DMRT3: variants seen among roughly 807,000 people sequenced by gnomAD.
DMRT3 encodes doublesex and mab-3 related transcription factor 3.
In DMRT3, 29 loss-of-function variants were observed where a neutral mutation model predicts 34.9. The ratio of observed to expected loss-of-function variants is 0.83; its 90% CI spans 0.62 to 1.13. The LOEUF is 1.13. Among genes scored for constraint, DMRT3 ranks in the 50% most tolerant of loss-of-function variants. DMRT3 has a pLI of 0.00. For missense variants in DMRT3, 772 were observed against 629.1 expected (o/e 1.23, Z -2.43); for synonymous variants, 350 against 286.0 (o/e 1.22, Z -2.26).
chr9:990,260 C>G lies in DMRT3; in HGVS notation c.674C>G (p.Ala225Gly), dbSNP rs752903154. 1.9e-6 allele frequency: 3 copies of G among 1,613,890 alleles called. No homozygotes were observed. Among genetic ancestry groups the G allele is most frequent in the South Asian group, 1.1e-5 (1 of 91,036 alleles). Residue 225 changes from alanine (A) to glycine (G), a missense_variant, in exon 2 of 2, where the codon GCG (alanine) becomes GGG (glycine). Coordinates refer to ENST00000190165, the MANE Select transcript of DMRT3 (RefSeq NM_021240.4). ...CGCCCTGACAGCCCCAAGTGTCACGCGGAGCAGAATCACCTCCTGATTGAG... is the reference window on the plus strand; with the variant it reads ...CGCCCTGACAGCCCCAAGTGTCACGGGGAGCAGAATCACCTCCTGATTGAG... ...ESRPDSPKCH[A>G]EQNHLLIEGP... is the part of the protein sequence containing the mutation.
In DMRT3 at chr9:990,324, A is replaced by G; in HGVS notation, c.738A>G (p.Lys246=). 2.5e-6 allele frequency: 4 copies of G among 1,613,874 alleles called. No individual in the cohort carries two copies. Among genetic ancestry groups the G allele is most frequent in the Non-Finnish European group, 3.4e-6 (4 of 1,180,022 alleles). ...CTGTTTCTCTGCCCTTCAGCTTGAAAGCCAACAGACCGCCGCTTGAAGTGT... is the reference window on the plus strand; with the variant it reads ...CTGTTTCTCTGCCCTTCAGCTTGAAGGCCAACAGACCGCCGCTTGAAGTGT... The part of the protein sequence containing the change: ...SGTVSLPFSL[K]ANRPPLEVLK... Residue 246 remains lysine (K), a synonymous_variant, in exon 2 of 2, where the codon AAA becomes AAG. Transcript: ENST00000190165.
chr9:988,311 C>T (rs758190646), intron 1 of DMRT3, among the ~76,000 whole-genome samples: 17 of 152,178 alleles, frequency 1.1e-4, no homozygotes, highest in Non-Finnish European at 2.2e-4. Context: ...GAATTCCTAT[C>T]AGATGTATGT....
chr9:986,215 A>G (rs1820280668), intron 1 of DMRT3, among the ~76,000 whole-genome samples: 1 of 152,156 alleles, frequency 6.6e-6, no homozygotes, highest in Non-Finnish European at 1.5e-5. Context: ...AGATTCCACT[A>G]CCGTCTGTTC....
At chr9:984,459 A>AGTT (rs1820258677) in intron 1 of DMRT3, among the ~76,000 whole-genome samples, 1 of 149,964 alleles carries the variant, frequency 6.7e-6, no homozygotes, top group African/African-American at 2.5e-5. Flanking sequence ...GATTTTTCAC[A>AGTT]TTTTTTTTTT....
chr9:978,948 C>T (rs1294596017), intron 1 of DMRT3, among the ~76,000 whole-genome samples: 1 of 152,126 alleles, frequency 6.6e-6, no homozygotes, highest in African/African-American at 2.4e-5. Context: ...ATTTTTCTCC[C>T]ATAGGTTTGA....
At chr9:981,282 TC>T (rs987138895) in intron 1 of DMRT3, among the ~76,000 whole-genome samples, 2 of 151,926 alleles carry the variant, frequency 1.3e-5, no homozygotes, top group Non-Finnish European at 2.9e-5. Context: ...AATTTTTTTT[TC>T]CCCCAAAGAG....
At chr9:982,815 CT>C (rs1232801533) in intron 1 of DMRT3, among the ~76,000 whole-genome samples, 2 of 152,218 alleles carry the variant, frequency 1.3e-5, no homozygotes, top group African/African-American at 4.8e-5. Flanking sequence ...CCTCCTCTTT[CT>C]TTCTCTTCCT....
intron 1 of DMRT3, among the ~76,000 whole-genome samples, chr9:980,344 G>A (rs1033638824): frequency 6.6e-6 from 1 of 152,062 alleles, no homozygotes; most frequent in Non-Finnish European, 1.5e-5. Context: ...CCCTTTCAAT[G>A]TGTGGTGTTT....
chr9:990,561 T>A lies in DMRT3; in HGVS notation c.975T>A (p.Ser325=), dbSNP rs1207135531. The A allele has an allele frequency of 6.2e-7, 1 of 1,613,976 alleles. No individual in the cohort carries two copies. The highest frequency in any genetic ancestry group is 1.3e-5 in the African/African-American group (1 of 74,906). ...CCTTGAGCTCCTACCCCATCTCGTCTTCCAAATGGTCTGTGGGATCAGCCT... is the reference window on the plus strand; with the variant it reads ...CCTTGAGCTCCTACCCCATCTCGTCATCCAAATGGTCTGTGGGATCAGCCT... ...EHTLSSYPIS[S]SKWSVGSAFR... Residue 325 remains serine, a synonymous_variant, in exon 2 of 2, where the codon TCT becomes TCA. Coordinates refer to ENST00000190165, the MANE Select transcript of DMRT3 (RefSeq NM_021240.4).
intron 1 of DMRT3, among the ~76,000 whole-genome samples, chr9:984,563 T>G (rs1057354166): frequency 6.6e-6 from 1 of 152,040 alleles, no homozygotes; most frequent in African/African-American, 2.4e-5. Context: ...TTCACGCCAT[T>G]CTCCTGCCTC....
Position 977,266 on chromosome 9 carries a change from G to A in DMRT3, c.265G>A (p.Asp89Asn). Residue 89 changes from aspartate to asparagine, a missense_variant, in exon 1 of 2, where the codon GAC becomes AAC. Transcript: ENST00000190165. Reference protein sequence around the residue: ...ANESLESLIPDSLRALPGPPP... With the variant: ...ANESLESLIPNSLRALPGPPP... Reference sequence around the variant, plus strand: ...CGAGAGCTTGGAGAGCCTCATCCCCGACTCGCTGCGCGCTCTGCCAGGGCC... The same window carrying A: ...CGAGAGCTTGGAGAGCCTCATCCCCAACTCGCTGCGCGCTCTGCCAGGGCC... The A allele has an allele frequency of 6.5e-7, 1 of 1,542,242 alleles. No individual in the cohort carries two copies. Among genetic ancestry groups the A allele is most frequent in the South Asian group, 1.2e-5 (1 of 83,450 alleles).
rs765001078 is a variant in DMRT3, at chr9:990,784, CAGT to C, written c.1200_1202del (p.Gln400_Tyr401delinsHis). ...GTGGAACACCATGACGCTGCAGCAG[CAGT>C]ATCAGCTGAGGTCCCAGTATGTCAG... On this transcript the variant is annotated inframe_deletion, in exon 2 of 2. Coordinates refer to ENST00000190165, the MANE Select transcript of DMRT3 (RefSeq NM_021240.4). 3.5e-5 allele frequency: 56 copies of C among 1,614,052 alleles called. No individual in the cohort carries two copies. In the Admixed American group the frequency reaches 9.2e-4, roughly 26 times the overall value.
rs778528769 is a variant in DMRT3, at chr9:990,291, C to T, written c.705C>T (p.Pro235=). 2 of 1,613,874 alleles carry T rather than the reference C, an allele frequency of 1.2e-6. No individual in the cohort carries two copies. Among genetic ancestry groups the T allele is most frequent in the South Asian group, 2.2e-5 (2 of 91,054 alleles). ...AGAATCACCTCCTGATTGAGGGCCC[C>T]TCGGGGACTGTTTCTCTGCCCTTCA... ...AEQNHLLIEG[P]SGTVSLPFSL... Residue 235 remains proline (P), a synonymous_variant, in exon 2 of 2, where the codon CCC becomes CCT. Coordinates refer to ENST00000190165, the MANE Select transcript of DMRT3 (RefSeq NM_021240.4).
intron 1 of DMRT3, among the ~76,000 whole-genome samples, chr9:979,589 C>T (rs1056978955): frequency 1.3e-5 from 2 of 152,028 alleles, no homozygotes; most frequent in Non-Finnish European, 2.9e-5. Context: ...CTTGCTGTGA[C>T]CCCATAATTC....
chr9:990,877 G>A lies in DMRT3; in HGVS notation c.1291G>A (p.Glu431Lys). ...GCCCGTCCTTCCTGCCCGCGCCACGGAAGACCCTCGGATTTCCATCCCTGA... is the reference window on the plus strand; with the variant it reads ...GCCCGTCCTTCCTGCCCGCGCCACGAAAGACCCTCGGATTTCCATCCCTGA... ...SSPVLPARATEDPRISIPDDG... is the reference protein window; with the variant it reads ...SSPVLPARATKDPRISIPDDG... The change falls in exon 2 of 2, where the codon GAA becomes AAA. Residue 431 changes from glutamate to lysine, a missense_variant. Glu to Lys is a moderately conservative substitution (Grantham distance 56). Transcript: ENST00000190165. 1 of 1,614,122 alleles carries A rather than the reference G, an allele frequency of 6.2e-7. No individual in the cohort carries two copies. The highest frequency in any genetic ancestry group is 8.5e-7 in the Non-Finnish European group (1 of 1,180,028).
chr9:976,913 G>T lies in DMRT3; in HGVS notation c.-89G>T, dbSNP rs1477513297. 8 of 1,321,570 alleles carry T rather than the reference G, an allele frequency of 6.1e-6. No homozygotes were observed. The highest frequency in any genetic ancestry group is 6.8e-6 in the Non-Finnish European group (7 of 1,027,198). The allele number at this position is 1,321,570 out of a possible 1,614,324, so 81.9% of individuals were successfully genotyped here. ...CCAAGGGCCGCGTCGCCCGGAGGCC[G>T]CCCCTGAGCGGGCCTCGCAGCCCCG... On this transcript the variant is annotated 5_prime_UTR_variant, in exon 1 of 2. Coordinates refer to ENST00000190165, the MANE Select transcript of DMRT3 (RefSeq NM_021240.4). The surrounding 1 kb of genome is among the most constrained non-coding windows in gnomAD (Gnocchi z 4.5).
chr9:989,889 G>C, intron 1 of DMRT3, 152 bp from the exon 2 acceptor site: 1 of 963,608 alleles, frequency 1.0e-6, no homozygotes, highest in African/African-American at 1.6e-5. Flanking sequence ...CAGTGATATA[G>C]TTCGAATTTT....
intron 1 of DMRT3, among the ~76,000 whole-genome samples, chr9:988,567 TAA>T (rs1820312696): frequency 6.6e-6 from 1 of 152,200 alleles, no homozygotes; most frequent in Non-Finnish European, 1.5e-5. Context: ...TGGTTACACT[TAA>T]GATACACCTG....
intron 1 of DMRT3, among the ~76,000 whole-genome samples, chr9:982,697 G>C (rs553350181): frequency 1.3e-5 from 2 of 152,316 alleles, no homozygotes; most frequent in East Asian, 3.9e-4. Flanking sequence ...ATAAATCAAA[G>C]TCCCTGGAGG....
Sources: gnomAD v4.1 joint callset for allele counts (sites outside exome capture counted in the v4.1 genomes callset) on GRCh38, gnomAD v4.1.1 for gene constraint, Gnocchi (gnomAD v3.1) non-coding constraint, MANE v1.5 for transcripts, NCBI Gene and HGNC (gene_info 2026-07-23, HGNC 2026-07-21) for gene names.